The following ARHGEF28 variants were observed in gnomAD, a reference collection of about 807,000 sequenced individuals.
The protein encoded by ARHGEF28 is 190 kDa guanine nucleotide exchange factor.
In ARHGEF28, 152 loss-of-function variants were observed where a neutral mutation model predicts 206.6. The ratio of observed to expected loss-of-function variants is 0.74; its 90% CI spans 0.64 to 0.84. The LOEUF is 0.84. Ranked by LOEUF, ARHGEF28 falls within the 40% of genes least tolerant of loss-of-function variation. The pLI is 0.00. For synonymous variants in ARHGEF28, 763 were observed against 776.4 expected (o/e 0.98, Z 0.29); for missense variants, 2,028 against 2,073.2 (o/e 0.98, Z 0.42).
At chr5:73,684,492 T>G (rs1262279667) in intron 1 of ARHGEF28, among the ~76,000 whole-genome samples, 1 of 152,158 alleles carries the variant, frequency 6.6e-6, no homozygotes, top group Non-Finnish European at 1.5e-5. Context: ...GACATTTGGG[T>G]TTTTCTATCT....
intron 2 of ARHGEF28, among the ~76,000 whole-genome samples, chr5:73,727,026 T>C (rs779659823): frequency 6.6e-6 from 1 of 152,220 alleles, no homozygotes; most frequent in Non-Finnish European, 1.5e-5. Flanking sequence ...ATTTAGAGAT[T>C]GGAAGCTTTT....
intron 35 of ARHGEF28, among the ~76,000 whole-genome samples, chr5:73,940,328 G>T (rs2112069466): frequency 6.6e-6 from 1 of 152,256 alleles, no homozygotes; most frequent in Non-Finnish European, 1.5e-5. Context: ...AGTATTAACA[G>T]ATCTGTGATT....
At chr5:73,704,231 G>GT (rs370098435) in intron 2 of ARHGEF28, among the ~76,000 whole-genome samples, 41 of 152,110 alleles carry the variant, frequency 2.7e-4, no homozygotes, top group African/African-American at 9.6e-4. Flanking sequence ...CTTACCCAGG[G>GT]TAGGTCAGTG....
At position 73,867,912 on chromosome 5, in the gene ARHGEF28, C is replaced by G. The variant is rs1256298406; in HGVS notation, c.2189C>G (p.Ser730Cys). 6.2e-7 allele frequency: 1 copy of G among 1,614,026 alleles called. No homozygotes were observed. Among genetic ancestry groups the G allele is most frequent in the East Asian group, 2.2e-5 (1 of 44,884 alleles). ...SFRDIPQPGL[S>C]LHPSSSVPVG... ...AGAGACATCCCACAGCCTGGTCTCT[C>G]CTTGCACCCTTCTTCCTCCGTGCCT... Residue 730 changes from serine to cysteine, a missense_variant, in exon 19 of 36, where the codon TCC becomes TGC. Around this residue, in one of 3 missense-constraint regions of ARHGEF28, gnomAD observed 1,002 missense variants for 1,015.3 expected, o/e 0.99. Coordinates refer to ENST00000513042, the MANE Select transcript of ARHGEF28 (RefSeq NM_001177693.2).
At position 73,920,545 on chromosome 5, in the gene ARHGEF28, G is replaced by GTTTTTTTTT. The variant is rs756699052; in HGVS notation, c.4948+8984_4948+8992dup. On this transcript the variant is annotated intron_variant, in intron 35 of 35. Coordinates refer to ENST00000513042, the MANE Select transcript of ARHGEF28 (RefSeq NM_001177693.2). ...CTGTACCTATCAACCCGTCATCTAG[G>GTTTTTTTTT]TTTTTTTTTTTTTTTTTTTTTTGAG... Among the ~76,000 whole-genome samples the GTTTTTTTTT allele has an allele frequency of 6.3e-5, 7 of 110,540 alleles. 1 individual carries two copies. The highest frequency in any genetic ancestry group is 3.5e-4 in the South Asian group (1 of 2,846). The allele number at this position is 110,540 out of a possible 152,430, so 72.5% of individuals were successfully genotyped here. A position where few individuals can be genotyped will look rare whatever the true frequency, so the allele number is the denominator to read the frequency against.
At chr5:73,917,377 G>A (rs534569102) in intron 35 of ARHGEF28, among the ~76,000 whole-genome samples, 1 of 152,272 alleles carries the variant, frequency 6.6e-6, no homozygotes, top group African/African-American at 2.4e-5. Context: ...ATAAAGTACT[G>A]GGCTCAAGGG....
chr5:73,645,812 GTGT>G (rs1744390057), intron 1 of ARHGEF28, among the ~76,000 whole-genome samples: 2 of 151,870 alleles, frequency 1.3e-5, no homozygotes, highest in Admixed American at 1.3e-4. Flanking sequence ...AGTTTCAGCA[GTGT>G]CTTTAAATTC....
chr5:73,664,866 C>A (rs1745848796), intron 1 of ARHGEF28, among the ~76,000 whole-genome samples: 1 of 152,170 alleles, frequency 6.6e-6, no homozygotes, highest in African/African-American at 2.4e-5. Context: ...CAAGTCATCA[C>A]ATTTCATTTT....
intron 4 of ARHGEF28, among the ~76,000 whole-genome samples, chr5:73,761,549 G>A (rs1752601700): frequency 6.6e-6 from 1 of 152,102 alleles, no homozygotes; most frequent in Non-Finnish European, 1.5e-5. Flanking sequence ...TTGGCCCAGT[G>A]TTGTTTAAGA....
At chr5:73,671,368 T>G (rs1746290808) in intron 1 of ARHGEF28, among the ~76,000 whole-genome samples, 1 of 152,098 alleles carries the variant, frequency 6.6e-6, no homozygotes, top group African/African-American at 2.4e-5. Context: ...CCTTAAACGT[T>G]GATAGATTGA....
rs182926229 is a variant in ARHGEF28, at chr5:73,857,944, T to C, written c.1915-143T>C. On this transcript the variant is annotated intron_variant, in intron 15 of 35. Coordinates refer to ENST00000513042, the MANE Select transcript of ARHGEF28 (RefSeq NM_001177693.2). ...CCCAGAATATAACATTTAGGTGTTA[T>C]GGTGTCCCTCTGTGTGCAGTCCTTA... 7.5e-4 allele frequency: 1,032 copies of C among 1,375,400 alleles called. 1 individual carries two copies. The Middle Eastern group carries it at 9.1e-3, about 12-fold the overall frequency. The allele number at this position is 1,375,400 out of a possible 1,614,324, so 85.2% of individuals were successfully genotyped here.
intron 7 of ARHGEF28, among the ~76,000 whole-genome samples, chr5:73,784,231 T>C (rs1754018352): frequency 6.6e-6 from 1 of 152,020 alleles, no homozygotes; most frequent in Non-Finnish European, 1.5e-5. Flanking sequence ...CAATGTGTAG[T>C]AGGGGGGAAA....
intron 4 of ARHGEF28, among the ~76,000 whole-genome samples, chr5:73,764,841 A>G (rs1752808940): frequency 6.6e-6 from 1 of 152,184 alleles, no homozygotes; most frequent in South Asian, 2.1e-4. Flanking sequence ...GTTTATCTAC[A>G]TGCCAGAGCT....
At chr5:73,904,102 A>C (rs2112713853) in intron 31 of ARHGEF28, 120 bp from the exon 32 acceptor site, 1 of 918,514 alleles carries the variant, frequency 1.1e-6, no homozygotes, top group South Asian at 1.5e-5. Context: ...AGTATAGATA[A>C]GGTAATCAAG....
chr5:73,631,412 T>G (rs1743358390), intron 1 of ARHGEF28, among the ~76,000 whole-genome samples: 1 of 152,154 alleles, frequency 6.6e-6, no homozygotes, highest in Admixed American at 6.5e-5. Flanking sequence ...TTCTGAAAGG[T>G]AGAGGATATT....
chr5:73,866,444 C>T (rs1293320712), intron 18 of ARHGEF28, among the ~76,000 whole-genome samples: 2 of 151,868 alleles, frequency 1.3e-5, no homozygotes, highest in Non-Finnish European at 2.9e-5. Flanking sequence ...ACACCACATT[C>T]TTCTTAAGAA....
chr5:73,856,123 G>C (rs1759019964), intron 14 of ARHGEF28, among the ~76,000 whole-genome samples: 1 of 152,136 alleles, frequency 6.6e-6, no homozygotes, highest in African/African-American at 2.4e-5. Context: ...TTTTGAAAGT[G>C]AGCCTTTTGA....
intron 30 of ARHGEF28, chr5:73,899,060 T>C (rs952163294): frequency 6.6e-6 from 1 of 152,098 alleles, no homozygotes; most frequent in African/African-American, 2.4e-5. Flanking sequence ...CTTCTTTTTT[T>C]TTTCTTTTTT....
chr5:73,676,242 T>G (rs1409758441), intron 1 of ARHGEF28, among the ~76,000 whole-genome samples: 6 of 151,196 alleles, frequency 4.0e-5, no homozygotes, highest in Admixed American at 2.0e-4. Context: ...AGCTAATGTT[T>G]TTTTTTTTTT....
Sources: allele counts gnomAD v4.1 joint callset (sites outside exome capture counted in the v4.1 genomes callset), GRCh38; gene constraint gnomAD v4.1.1; regional missense constraint gnomAD v4.1.1; transcripts MANE v1.5; gene names NCBI Gene and HGNC (gene_info 2026-07-23, HGNC 2026-07-21).